PCSK6: variants seen among roughly 807,000 people sequenced by gnomAD.
The protein encoded by PCSK6 is proprotein convertase subtilisin/kexin type 6.
A neutral mutation model predicts 123.3 loss-of-function variants in PCSK6; 85 were observed. The ratio of observed to expected loss-of-function variants is 0.69; its 90% CI spans 0.58 to 0.83. The LOEUF is 0.83. Ranked by LOEUF, PCSK6 falls within the 40% of genes least tolerant of loss-of-function variation. The pLI, the probability that PCSK6 is intolerant of heterozygous loss-of-function variation, is 0.00. For missense variants in PCSK6, 1,191 were observed against 1,282.3 expected, an observed-to-expected ratio of 0.93 and a Z score of 1.09; for synonymous variants, 508 against 516.0, an observed-to-expected ratio of 0.98 and a Z score of 0.21.
At chr15:101,403,249 C>T (rs1336763676) in intron 6 of PCSK6, among the ~76,000 whole-genome samples, 97 of 120,556 alleles carry the variant, frequency 8.0e-4, no homozygotes, top group Admixed American at 1.8e-3. Context: ...GGAAGGGGAA[C>T]ATCACACTCT....
chr15:101,462,257 A>G lies in PCSK6; in HGVS notation c.298-18597T>C, dbSNP rs189023959. On this transcript the variant is annotated intron_variant, in intron 1 of 21. Transcript: ENST00000611716. ...TATCAGAGATGTGTAAGTTGTGTATATAAGAATTTACAAACTTTACTAATA... is the reference window on the plus strand; with the variant it reads ...TATCAGAGATGTGTAAGTTGTGTATGTAAGAATTTACAAACTTTACTAATA... 8.5e-4 allele frequency among the ~76,000 whole-genome samples: 130 copies of G among 152,356 alleles called. 4 individuals are homozygous for G. In the East Asian group the frequency reaches 0.022, roughly 25 times the overall value.
chr15:101,405,023 A>C (rs549246679), intron 6 of PCSK6, among the ~76,000 whole-genome samples: 26 of 152,276 alleles, frequency 1.7e-4, no homozygotes, highest in African/African-American at 5.8e-4. Context: ...AGACTGACTG[A>C]TGTGTGGGAA....
At chr15:101,389,394 C>A in intron 9 of PCSK6, 70 bp downstream of exon 9, 2 of 1,242,258 alleles carry the variant, frequency 1.6e-6, no homozygotes, top group Non-Finnish European at 2.4e-6. Context: ...GTGAAAATGG[C>A]CAATGTCATG....
intron 7 of PCSK6, among the ~76,000 whole-genome samples, chr15:101,395,262 AC>A (rs2042373825): frequency 6.6e-6 from 1 of 152,102 alleles, no homozygotes; most frequent in Non-Finnish European, 1.5e-5. Context: ...GAATGTGCAC[AC>A]CCTGGAGTCA....
At chr15:101,449,167 A>G (rs2056968707) in intron 1 of PCSK6, among the ~76,000 whole-genome samples, 1 of 152,218 alleles carries the variant, frequency 6.6e-6, no homozygotes, top group Non-Finnish European at 1.5e-5. Context: ...AAATGGCATC[A>G]TATTTGCATA....
intron 1 of PCSK6, among the ~76,000 whole-genome samples, chr15:101,450,634 T>C (rs939463348): frequency 2.6e-5 from 4 of 152,164 alleles, no homozygotes; most frequent in African/African-American, 7.2e-5. Flanking sequence ...CCAAATGACA[T>C]TGGGAGGATA....
intron 1 of PCSK6, among the ~76,000 whole-genome samples, chr15:101,457,392 T>C (rs2141193263): frequency 6.6e-6 from 1 of 152,230 alleles, no homozygotes; most frequent in African/African-American, 2.4e-5. Context: ...GGGGGATAAA[T>C]GAGGCGTGAT....
intron 15 of PCSK6, 142 bp downstream of exon 15, chr15:101,331,509 G>C (rs1401307708): frequency 6.8e-6 from 5 of 729,980 alleles, no homozygotes; most frequent in Non-Finnish European, 1.2e-5. Context: ...GCTGAGCTGT[G>C]AGATGGGGGC....
chr15:101,477,963 A>C (rs1462081358), intron 1 of PCSK6, among the ~76,000 whole-genome samples: 1 of 152,220 alleles, frequency 6.6e-6, no homozygotes, highest in Non-Finnish European at 1.5e-5. Flanking sequence ...GGAGGATCCC[A>C]TAGTACAGGA....
chr15:101,426,804 ACCAAGG>A lies in PCSK6; in HGVS notation c.823+1082_823+1087del, dbSNP rs1168526497. The stretch of plus-strand genomic sequence containing the variant: ...GCAGAAAGTGGCTGCAGCCACCCTC[ACCAAGG>A]CTCGGTGGCAGAACGGCAGAAAGCG... On this transcript the variant is annotated intron_variant, in intron 6 of 21. Transcript: ENST00000611716. Among the ~76,000 whole-genome samples, 1,098 of 150,686 alleles carry A rather than the reference ACCAAGG, an allele frequency of 7.3e-3. 16 individuals carry two copies. The highest frequency in any genetic ancestry group is 0.025 in the African/African-American group (1,014 of 40,962).
At chr15:101,392,256 C>T (rs183130192) in intron 8 of PCSK6, among the ~76,000 whole-genome samples, 4 of 152,300 alleles carry the variant, frequency 2.6e-5, no homozygotes, top group Admixed American at 1.3e-4. Context: ...GTGCGTACTC[C>T]AGCAGAAAAG....
At chr15:101,392,472 G>C (rs1596279404) in intron 8 of PCSK6, among the ~76,000 whole-genome samples, 1 of 151,998 alleles carries the variant, frequency 6.6e-6, no homozygotes, top group Non-Finnish European at 1.5e-5. Context: ...ATGCTAGTGA[G>C]CTTTAAAATT....
chr15:101,455,581 G>C (rs1449326914), intron 1 of PCSK6, among the ~76,000 whole-genome samples: 1 of 152,214 alleles, frequency 6.6e-6, no homozygotes, highest in Non-Finnish European at 1.5e-5. Context: ...CTGACCAGGT[G>C]GCACAGTGAC....
At chr15:101,352,338 G>A (rs1023960479) in intron 13 of PCSK6, among the ~76,000 whole-genome samples, 16 of 151,654 alleles carry the variant, frequency 1.1e-4, no homozygotes, top group Non-Finnish European at 1.6e-4. Flanking sequence ...TAGTAGAGAC[G>A]GGGTTTCACC....
At position 101,342,640 on chromosome 15, in the gene PCSK6, G is replaced by A. The variant is rs572235356; in HGVS notation, c.1859-10609C>T. Among the ~76,000 whole-genome samples, 13 of 152,190 alleles carry A rather than the reference G, an allele frequency of 8.5e-5. 1 individual carries two copies. Among genetic ancestry groups the A allele is most frequent in the Non-Finnish European group, 1.2e-4 (8 of 68,022 alleles). On this transcript the variant is annotated intron_variant, in intron 13 of 21. Transcript: ENST00000611716. ...GCTTCAGCTGGGCACGGTGGCTCAC[G>A]CCTGTAATCCCAGCACTTTGGGAGG...
At chr15:101,388,732 T>C (rs1327422271) in intron 9 of PCSK6, among the ~76,000 whole-genome samples, 2 of 152,106 alleles carry the variant, frequency 1.3e-5, no homozygotes, top group Non-Finnish European at 2.9e-5. Context: ...AGGAAGGAAA[T>C]TTTGATACGT....
At chr15:101,341,250 T>G (rs1410001312) in intron 13 of PCSK6, among the ~76,000 whole-genome samples, 4 of 107,780 alleles carry the variant, frequency 3.7e-5, no homozygotes, top group Non-Finnish European at 6.8e-5. Context: ...AGTGTGGGGT[T>G]TTTTTTTTTT....
At chr15:101,378,526 G>A (rs2041817237) in intron 11 of PCSK6, among the ~76,000 whole-genome samples, 1 of 152,364 alleles carries the variant, frequency 6.6e-6, no homozygotes, top group East Asian at 1.9e-4. Flanking sequence ...CTCCTGGAGA[G>A]GTGGCTCAGA....
intron 6 of PCSK6, among the ~76,000 whole-genome samples, chr15:101,411,756 C>T (rs1447786860): frequency 6.6e-6 from 1 of 152,214 alleles, no homozygotes; most frequent in Admixed American, 6.5e-5. Context: ...GCCTAGACCT[C>T]CACCCATGCG....
Sources: gnomAD v4.1 joint callset for allele counts (sites outside exome capture counted in the v4.1 genomes callset) on GRCh38, gnomAD v4.1.1 for gene constraint, MANE v1.5 for transcripts, NCBI Gene and HGNC (gene_info 2026-07-23, HGNC 2026-07-21) for gene names.